Variants in PIP4K2A observed in about 807,000 individuals in gnomAD.
PIP4K2A encodes the protein phosphatidylinositol-5-phosphate 4-kinase type 2 alpha, also known as phosphatidylinositol 5-phosphate 4-kinase type-2 alpha.
Under a neutral mutation model 42.9 loss-of-function variants are expected in PIP4K2A, and 14 were observed. The ratio of observed to expected loss-of-function variants is 0.33; its 90% CI spans 0.22 to 0.51. PIP4K2A has a LOEUF of 0.51. PIP4K2A is among the 20% of genes least tolerant of loss of function. The probability of loss-of-function intolerance (pLI) is 0.97; values close to 1 mark genes in which losing one functional copy is unlikely to be tolerated. For missense variants in PIP4K2A, 434 were observed against 519.8 expected (o/e 0.83, Z 1.61); for synonymous variants, 192 against 192.2 (o/e 1.00, Z 0.01).
intron 1 of PIP4K2A, among the ~76,000 whole-genome samples, chr10:22,642,784 C>A (rs1838807571): frequency 6.6e-6 from 1 of 151,880 alleles, no homozygotes; most frequent in African/African-American, 2.4e-5. Flanking sequence ...TCTCTGTGGT[C>A]CAGGTAAGAG....
chr10:22,609,006 C>T (rs1469327766), intron 2 of PIP4K2A, among the ~76,000 whole-genome samples: 3 of 152,172 alleles, frequency 2.0e-5, no homozygotes, highest in Non-Finnish European at 2.9e-5. Context: ...CACACCCCTC[C>T]CTTATCATAC....
intron 4 of PIP4K2A, among the ~76,000 whole-genome samples, chr10:22,581,590 A>AAAAAATT (rs1265147497): frequency 1.5e-4 from 23 of 150,620 alleles, no homozygotes; most frequent in Non-Finnish European, 7.4e-5. Flanking sequence ...AAAAAAAAAA[A>AAAAAATT]AAATTAAAAT....
At chr10:22,592,104 T>A (rs1837525730) in intron 3 of PIP4K2A, among the ~76,000 whole-genome samples, 1 of 152,202 alleles carries the variant, frequency 6.6e-6, no homozygotes, top group African/African-American at 2.4e-5. Context: ...TTCTTCTGAA[T>A]AAAATTAGGT....
intron 3 of PIP4K2A, among the ~76,000 whole-genome samples, chr10:22,602,423 G>GAAAT (rs1399827765): frequency 2.0e-5 from 3 of 150,230 alleles, no homozygotes; most frequent in Non-Finnish European, 4.4e-5. Flanking sequence ...GAAAAGAAAA[G>GAAAT]AAAGAAAGAA....
intron 1 of PIP4K2A, among the ~76,000 whole-genome samples, chr10:22,645,140 C>T (rs1471802551): frequency 6.6e-6 from 1 of 152,222 alleles, no homozygotes; most frequent in Admixed American, 6.5e-5. Context: ...TGATTCTCCA[C>T]ACTAGGTTGA....
intron 1 of PIP4K2A, among the ~76,000 whole-genome samples, chr10:22,666,818 T>C (rs941124206): frequency 5.3e-5 from 8 of 152,312 alleles, no homozygotes; most frequent in South Asian, 2.1e-4. Context: ...ATTACATTTG[T>C]AGAAAGTTTT....
Position 22,712,913 on chromosome 10 carries a change from G to GGGGTGTGTGT in PIP4K2A, c.144+1269_144+1270insACACACACCC, listed in dbSNP as rs775265774. Among the ~76,000 whole-genome samples the GGGGTGTGTGT allele has an allele frequency of 1.6e-3, 243 of 147,598 alleles. 2 individuals carry two copies. Among genetic ancestry groups the GGGGTGTGTGT allele is most frequent in the African/African-American group, 5.7e-3 (229 of 40,102 alleles). ...TTTTAAACAACTTCACTACATTGAG[G>GGGGTGTGTGT]GTGTGTGTGTGTGTGTGTGTGTGTG... On this transcript the variant is annotated intron_variant, in intron 1 of 9. Coordinates refer to ENST00000376573, the MANE Select transcript of PIP4K2A (RefSeq NM_005028.5).
intron 1 of PIP4K2A, chr10:22,659,760 T>C (rs1356139062): frequency 2.0e-5 from 3 of 151,942 alleles, no homozygotes; most frequent in South Asian, 2.1e-4. Flanking sequence ...AGAGCCAAGA[T>C]TGCACCACTG....
intron 6 of PIP4K2A, among the ~76,000 whole-genome samples, chr10:22,561,573 T>C (rs1451591883): frequency 7.0e-6 from 1 of 142,156 alleles, no homozygotes; most frequent in Non-Finnish European, 1.5e-5. Flanking sequence ...CAGTTTTTTT[T>C]TTTTTTTTTT....
chr10:22,607,871 A>C (rs935703189), intron 3 of PIP4K2A, 56 bp downstream of exon 3: 8 of 1,090,956 alleles, frequency 7.3e-6, no homozygotes, highest in Non-Finnish European at 1.1e-5. Flanking sequence ...TGACACAGCA[A>C]AAGTCATGGC....
At chr10:22,664,090 C>CGTATATATATAT (rs1425281380) in intron 1 of PIP4K2A, among the ~76,000 whole-genome samples, 1 of 64,046 alleles carries the variant, frequency 1.6e-5, no homozygotes, top group Non-Finnish European at 2.5e-5. Flanking sequence ...TATATATATA[C>CGTATATATATAT]ATATATATAT....
At chr10:22,678,175 C>A (rs1237217972) in intron 1 of PIP4K2A, among the ~76,000 whole-genome samples, 1 of 151,838 alleles carries the variant, frequency 6.6e-6, no homozygotes, top group Non-Finnish European at 1.5e-5. Flanking sequence ...CAATTGTCTT[C>A]TCAGTGTTAC....
At chr10:22,664,156 T>TATATATACAC in intron 1 of PIP4K2A, among the ~76,000 whole-genome samples, 1 of 59,516 alleles carries the variant, frequency 1.7e-5, no homozygotes, top group South Asian at 3.8e-4. Context: ...TATATACACA[T>TATATATACAC]ATATATATAT....
intron 1 of PIP4K2A, among the ~76,000 whole-genome samples, chr10:22,663,484 A>T (rs998636806): frequency 6.6e-6 from 1 of 152,234 alleles, no homozygotes; most frequent in Admixed American, 6.5e-5. Flanking sequence ...TAAAAGTAAC[A>T]CATGTTCATT....
intron 6 of PIP4K2A, among the ~76,000 whole-genome samples, chr10:22,555,599 A>G (rs529616665): frequency 5.9e-5 from 9 of 152,300 alleles, no homozygotes; most frequent in African/African-American, 1.7e-4. Flanking sequence ...CCTTACTTAT[A>G]TAATGGGTAA....
intron 6 of PIP4K2A, 30 bp from the exon 7 acceptor site, chr10:22,550,802 G>C (rs1252713032): frequency 7.3e-7 from 1 of 1,377,550 alleles, no homozygotes; most frequent in Admixed American, 1.7e-5. Context: ...CAATGACAAA[G>C]GCGCTTGAAG....
intron 1 of PIP4K2A, among the ~76,000 whole-genome samples, chr10:22,631,397 CCCAT>C (rs1040461098): frequency 1.3e-5 from 2 of 152,058 alleles, no homozygotes; most frequent in Non-Finnish European, 2.9e-5. Context: ...GCTCAATGCC[CCCAT>C]CCCCAGCCCA....
chr10:22,587,808 A>C (rs1404495958), intron 4 of PIP4K2A, among the ~76,000 whole-genome samples: 2 of 152,222 alleles, frequency 1.3e-5, no homozygotes, highest in Non-Finnish European at 2.9e-5. Context: ...GTAGAACAGC[A>C]TTTACTAAAT....
chr10:22,539,926 A>AGAGAGG (rs774474868), intron 9 of PIP4K2A, 45 bp downstream of exon 9: 1 of 983,784 alleles, frequency 1.0e-6, no homozygotes, highest in East Asian at 2.4e-5. Context: ...AGAGAGAGAG[A>AGAGAGG]GAGAGGGAGA....
Sources: allele counts gnomAD v4.1 joint callset (sites outside exome capture counted in the v4.1 genomes callset), GRCh38; gene constraint gnomAD v4.1.1; transcripts MANE v1.5; gene names NCBI Gene and HGNC (gene_info 2026-07-23, HGNC 2026-07-21).